PLPPR1: variants seen among roughly 807,000 people sequenced by gnomAD.
The protein encoded by PLPPR1 is phospholipid phosphatase-related protein type 1.
PLPPR1 carries 10 observed loss-of-function variants against 33.1 expected under a neutral mutation model. That is an observed-to-expected ratio of 0.30 (90% CI 0.19 to 0.51). PLPPR1 has a LOEUF of 0.51. Ranked by LOEUF, PLPPR1 falls within the 20% of genes least tolerant of loss-of-function variation. The pLI, the probability that PLPPR1 is intolerant of heterozygous loss-of-function variation, is 0.97. For synonymous variants in PLPPR1, 151 were observed against 151.0 expected, an observed-to-expected ratio of 1.00 and a Z score of 0.00; for missense variants, 304 against 408.1, an observed-to-expected ratio of 0.74 and a Z score of 2.20.
intron 2 of PLPPR1, among the ~76,000 whole-genome samples, chr9:101,264,693 G>A (rs1051745288): frequency 3.3e-5 from 5 of 152,150 alleles, no homozygotes; most frequent in Non-Finnish European, 7.3e-5. Context: ...GCTCATGGCC[G>A]AACCAGAATG....
At chr9:101,235,127 A>C (rs1268796059) in intron 2 of PLPPR1, among the ~76,000 whole-genome samples, 3 of 151,872 alleles carry the variant, frequency 2.0e-5, no homozygotes, top group African/African-American at 7.2e-5. Context: ...TATCCACGAA[A>C]AATTGTGGGT....
At chr9:101,074,087 G>A (rs1228456628) in intron 1 of PLPPR1, among the ~76,000 whole-genome samples, 1 of 152,104 alleles carries the variant, frequency 6.6e-6, no homozygotes, top group Non-Finnish European at 1.5e-5. Context: ...CTATGGCTCC[G>A]AGGTTTCAAT....
chr9:101,131,516 T>C (rs1273579843), intron 1 of PLPPR1: 4 of 152,108 alleles, frequency 2.6e-5, no homozygotes, highest in Admixed American at 2.0e-4. Flanking sequence ...ATTAGGGAAG[T>C]AGAAGCAGAA....
At chr9:101,222,624 T>A (rs1412833260) in intron 2 of PLPPR1, among the ~76,000 whole-genome samples, 1 of 152,208 alleles carries the variant, frequency 6.6e-6, no homozygotes, top group Non-Finnish European at 1.5e-5. Flanking sequence ...AGGAAGTACA[T>A]ATCTGCCTCT....
chr9:101,169,911 A>C (rs1371367335), intron 1 of PLPPR1, among the ~76,000 whole-genome samples: 1 of 151,622 alleles, frequency 6.6e-6, no homozygotes, highest in Non-Finnish European at 1.5e-5. Flanking sequence ...ATCTAGTTGC[A>C]GTAGGCAGAG....
At chr9:101,258,629 T>C (rs1827843009) in intron 2 of PLPPR1, among the ~76,000 whole-genome samples, 1 of 150,692 alleles carries the variant, frequency 6.6e-6, no homozygotes, top group Admixed American at 6.6e-5. Context: ...GCACAAGTCA[T>C]CCATGACCTT....
At chr9:101,038,803 C>T (rs1830042446) in intron 1 of PLPPR1, among the ~76,000 whole-genome samples, 1 of 152,120 alleles carries the variant, frequency 6.6e-6, no homozygotes, top group Admixed American at 6.5e-5. Context: ...CGTGCCCATC[C>T]TCCCGCCCAT....
chr9:101,100,265 T>A (rs1231762889), intron 1 of PLPPR1, among the ~76,000 whole-genome samples: 1 of 152,154 alleles, frequency 6.6e-6, no homozygotes, highest in East Asian at 1.9e-4. Context: ...GATGGGAAGA[T>A]CTCACCTTTG....
At chr9:101,306,285 G>A (rs1828857710) in intron 4 of PLPPR1, among the ~76,000 whole-genome samples, 1 of 152,218 alleles carries the variant, frequency 6.6e-6, no homozygotes, top group South Asian at 2.1e-4. Context: ...AACCCTTCTG[G>A]AGATTTGTAT....
intron 2 of PLPPR1, among the ~76,000 whole-genome samples, chr9:101,255,835 C>T (rs1298615470): frequency 6.6e-6 from 1 of 152,104 alleles, no homozygotes; most frequent in African/African-American, 2.4e-5. Context: ...CAAAGCAAAA[C>T]AATTTTCCCC....
intron 2 of PLPPR1, among the ~76,000 whole-genome samples, chr9:101,212,024 T>G (rs1826701082): frequency 6.6e-6 from 1 of 151,908 alleles, no homozygotes; most frequent in Non-Finnish European, 1.5e-5. Context: ...CCTTTGCTTT[T>G]TTTGCTGTGA....
chr9:101,116,110 G>C (rs1831114977), intron 1 of PLPPR1, among the ~76,000 whole-genome samples: 2 of 152,162 alleles, frequency 1.3e-5, no homozygotes, highest in African/African-American at 4.8e-5. Context: ...CCAATAAATA[G>C]CTATAGAGTA....
chr9:101,123,690 T>G (rs907713664), intron 1 of PLPPR1, among the ~76,000 whole-genome samples: 1 of 152,208 alleles, frequency 6.6e-6, no homozygotes, highest in African/African-American at 2.4e-5. Flanking sequence ...GCTTAGCATT[T>G]GCTCTGCTAC....
chr9:101,271,215 C>T (rs1043763531), intron 3 of PLPPR1, among the ~76,000 whole-genome samples: 2 of 152,154 alleles, frequency 1.3e-5, no homozygotes, highest in African/African-American at 4.8e-5. Flanking sequence ...CTGCCTAACA[C>T]ACCTGGATTC....
intron 1 of PLPPR1, among the ~76,000 whole-genome samples, chr9:101,138,429 G>A (rs1187788302): frequency 6.6e-6 from 1 of 152,130 alleles, no homozygotes; most frequent in East Asian, 1.9e-4. Context: ...TCTATTGAAA[G>A]AATTAATGAA....
intron 3 of PLPPR1, among the ~76,000 whole-genome samples, chr9:101,278,650 C>T (rs894243858): frequency 1.3e-5 from 2 of 152,186 alleles, no homozygotes; most frequent in African/African-American, 4.8e-5. Context: ...CGAAATCCAG[C>T]ATCAGGCAGG....
chr9:101,114,364 G>C lies in PLPPR1; in HGVS notation c.-45-71086G>C, dbSNP rs528858468. On this transcript the variant is annotated intron_variant, in intron 1 of 7. Transcript: ENST00000374874. Reference sequence around the variant, plus strand: ...GGTGTATCAGGCAGGATCCCAACAGGGGACAGATAGCACACTTGTATTTGT... The same window carrying C: ...GGTGTATCAGGCAGGATCCCAACAGCGGACAGATAGCACACTTGTATTTGT... Among the ~76,000 whole-genome samples, 8 of 152,146 alleles carry C rather than the reference G, an allele frequency of 5.3e-5. No individual in the cohort carries two copies. In the South Asian group the frequency reaches 1.5e-3, roughly 28 times the overall value.
At chr9:101,295,238 T>G (rs1384671622) in intron 4 of PLPPR1, among the ~76,000 whole-genome samples, 1 of 151,692 alleles carries the variant, frequency 6.6e-6, no homozygotes, top group East Asian at 1.9e-4. Flanking sequence ...GGAATCCAAC[T>G]TACAAGGGAC....
intron 1 of PLPPR1, among the ~76,000 whole-genome samples, chr9:101,081,192 T>G (rs1286851587): frequency 2.0e-5 from 3 of 152,138 alleles, no homozygotes; most frequent in Non-Finnish European, 4.4e-5. Flanking sequence ...GGGGGGTGGG[T>G]GCAGAACTAA....
Sources: gnomAD v4.1 joint callset for allele counts (sites outside exome capture counted in the v4.1 genomes callset) on GRCh38, gnomAD v4.1.1 for gene constraint, MANE v1.5 for transcripts, NCBI Gene and HGNC (gene_info 2026-07-23, HGNC 2026-07-21) for gene names.